The following PCSK2 variants were observed in gnomAD, a reference collection of about 807,000 sequenced individuals.
PCSK2 encodes proprotein convertase subtilisin/kexin type 2.
In PCSK2, 14 loss-of-function variants were observed where a neutral mutation model predicts 69.7. The observed-to-expected ratio is 0.20, with a 90% confidence interval of 0.13 to 0.31. The LOEUF (loss-of-function observed/expected upper bound fraction) is 0.31. PCSK2 is among the 10% of genes least tolerant of loss of function. The pLI, the probability that PCSK2 is intolerant of heterozygous loss-of-function variation, is 1.00. For missense variants in PCSK2, 544 were observed against 842.5 expected, an observed-to-expected ratio of 0.65 and a Z score of 4.39; for synonymous variants, 307 against 320.7, an observed-to-expected ratio of 0.96 and a Z score of 0.46.
rs2030917356 is a variant in PCSK2 at position 17,376,087 on chromosome 20, C to T, written c.543+6810C>T. Among the ~76,000 whole-genome samples the T allele has an allele frequency of 2.6e-5, 4 of 152,216 alleles. No homozygotes were observed. In the South Asian group the frequency reaches 8.3e-4, roughly 32 times the overall value. ...GCCATTAGAAGGGCATTCCCAGGCT[C>T]TCCTGCTGTACCCTAGAGGAGGGTG... On this transcript the variant is annotated intron_variant, in intron 5 of 11. Transcript: ENST00000262545.
chr20:17,418,251 G>T (rs536567622), intron 6 of PCSK2, among the ~76,000 whole-genome samples: 5 of 152,206 alleles, frequency 3.3e-5, no homozygotes, highest in African/African-American at 1.2e-4. Context: ...GCACAGAGAG[G>T]TTAAGTTACT....
intron 2 of PCSK2, among the ~76,000 whole-genome samples, chr20:17,323,241 G>A (rs1989930035): frequency 6.6e-6 from 1 of 152,160 alleles, no homozygotes; most frequent in South Asian, 2.1e-4. Context: ...TCAGACCATA[G>A]CAAATAGTGT....
At chr20:17,463,412 C>A (rs1273357615) in intron 10 of PCSK2, 2 of 152,166 alleles carry the variant, frequency 1.3e-5, no homozygotes, top group Non-Finnish European at 2.9e-5. Context: ...CCATTTTACA[C>A]CACTTACATC....
intron 2 of PCSK2, among the ~76,000 whole-genome samples, chr20:17,305,728 T>C (rs1197433281): frequency 6.6e-6 from 1 of 152,230 alleles, no homozygotes; most frequent in Non-Finnish European, 1.5e-5. Context: ...TCCTTATGTA[T>C]TTTTTGCATT....
chr20:17,467,704 A>AT (rs779839854), intron 11 of PCSK2, among the ~76,000 whole-genome samples: 4 of 152,006 alleles, frequency 2.6e-5, no homozygotes, highest in Non-Finnish European at 5.9e-5. Flanking sequence ...AAAATAAGAG[A>AT]TTTTTTTCTC....
chr20:17,290,341 A>C (rs1041155327), intron 2 of PCSK2, among the ~76,000 whole-genome samples: 1 of 152,190 alleles, frequency 6.6e-6, no homozygotes, highest in South Asian at 2.1e-4. Flanking sequence ...CCATTTTGTC[A>C]TAAGAATATC....
At chr20:17,248,009 T>G (rs1986829776) in intron 1 of PCSK2, among the ~76,000 whole-genome samples, 1 of 152,092 alleles carries the variant, frequency 6.6e-6, no homozygotes, top group South Asian at 2.1e-4. Flanking sequence ...TAATGAGAAT[T>G]TCTAAAAACT....
intron 1 of PCSK2, among the ~76,000 whole-genome samples, chr20:17,255,503 A>T (rs1244689436): frequency 1.3e-5 from 2 of 151,962 alleles, no homozygotes; most frequent in Non-Finnish European, 2.9e-5. Context: ...CACCACGCCC[A>T]GCTAATTTTT....
intron 2 of PCSK2, among the ~76,000 whole-genome samples, chr20:17,346,771 T>C (rs187941617): frequency 6.6e-6 from 1 of 152,286 alleles, no homozygotes; most frequent in East Asian, 1.9e-4. Context: ...TTTTCCTTAA[T>C]ATAATTTCCT....
At chr20:17,463,681 C>T (rs1203750097) in intron 10 of PCSK2, 4 of 137,804 alleles carry the variant, frequency 2.9e-5, no homozygotes, top group African/African-American at 1.1e-4. Flanking sequence ...CACACACACA[C>T]ATGACAGGCC....
At chr20:17,462,779 G>A (rs560829430) in intron 10 of PCSK2, among the ~76,000 whole-genome samples, 31 of 152,204 alleles carry the variant, frequency 2.0e-4, no homozygotes, top group Non-Finnish European at 3.7e-4. Context: ...GAACAGGGAA[G>A]AACATGTCAC....
chr20:17,325,939 T>C (rs1482349571), intron 2 of PCSK2, among the ~76,000 whole-genome samples: 4 of 152,244 alleles, frequency 2.6e-5, no homozygotes, highest in Non-Finnish European at 2.9e-5. Context: ...AGTATGTTTT[T>C]CTCAAGCCAC....
At chr20:17,284,085 C>T (rs1988425459) in intron 2 of PCSK2, among the ~76,000 whole-genome samples, 1 of 152,202 alleles carries the variant, frequency 6.6e-6, no homozygotes, top group African/African-American at 2.4e-5. Flanking sequence ...CCACCCCCAC[C>T]ATTGCCATCT....
intron 7 of PCSK2, among the ~76,000 whole-genome samples, chr20:17,434,773 T>C (rs2269010): frequency 0.79 from 120,677 of 152,096 alleles, 48,750 homozygotes; most frequent in African/African-American, 0.89. Context: ...CTGGTCATCT[T>C]GGCACTAGGC....
At chr20:17,463,157 CACCCCA>C (rs2033041256) in intron 10 of PCSK2, among the ~76,000 whole-genome samples, 1 of 152,166 alleles carries the variant, frequency 6.6e-6, no homozygotes, top group Admixed American at 6.5e-5. Flanking sequence ...TTCTAAAATG[CACCCCA>C]TGAGAATAAA....
rs140770428 is a variant in PCSK2, at chr20:17,453,635, C to A, written c.886-107C>A. The A allele has an allele frequency of 0.012, 13,832 of 1,197,900 alleles. 119 individuals carry two copies. The highest frequency in any genetic ancestry group is 0.018 in the South Asian group (1,321 of 73,062). 74.2% of individuals were successfully genotyped at this position (1,197,900 alleles called of 1,614,324 possible). On this transcript the variant is annotated intron_variant, in intron 8 of 11. Coordinates refer to ENST00000262545, the MANE Select transcript of PCSK2 (RefSeq NM_002594.5). The surrounding 1 kb of genome is among the most constrained non-coding windows in gnomAD (Gnocchi z 4.0). ...ACCCAGTTTAAAAAGTGCACCCAGTCTTTAGGTTCAACTGCTGAAGAAGCC... is the reference window on the plus strand; with the variant it reads ...ACCCAGTTTAAAAAGTGCACCCAGTATTTAGGTTCAACTGCTGAAGAAGCC...
intron 7 of PCSK2, among the ~76,000 whole-genome samples, chr20:17,435,538 C>T (rs1183697794): frequency 1.3e-5 from 2 of 152,112 alleles, no homozygotes; most frequent in Non-Finnish European, 2.9e-5. Flanking sequence ...GCTTTTAATT[C>T]GATTGACGTG....
intron 2 of PCSK2, among the ~76,000 whole-genome samples, chr20:17,303,500 A>T (rs1236897535): frequency 2.8e-5 from 1 of 36,010 alleles, no homozygotes; most frequent in South Asian, 6.1e-4. Flanking sequence ...TATTTAATAT[A>T]ATATATATTA....
At chr20:17,250,042 G>C (rs1228124854) in intron 1 of PCSK2, among the ~76,000 whole-genome samples, 1 of 152,098 alleles carries the variant, frequency 6.6e-6, no homozygotes, top group Non-Finnish European at 1.5e-5. Context: ...AAAAGAAGCA[G>C]AGTTTCCATA....
Sources: allele counts gnomAD v4.1 joint callset (sites outside exome capture counted in the v4.1 genomes callset), GRCh38; gene constraint gnomAD v4.1.1; non-coding constraint Gnocchi (gnomAD v3.1); transcripts MANE v1.5; gene names NCBI Gene and HGNC (gene_info 2026-07-23, HGNC 2026-07-21).